NCEH1: variants seen among roughly 807,000 people sequenced by gnomAD.
The protein encoded by NCEH1 is 2-acetyl MAGE hydrolase.
NCEH1 carries 9 observed loss-of-function variants against 25.4 expected under a neutral mutation model. That is an observed-to-expected ratio of 0.35 (90% CI 0.21 to 0.62). NCEH1 has a LOEUF of 0.62. Among genes scored for constraint, NCEH1 ranks in the 20% least tolerant of loss-of-function variants. NCEH1 has a pLI of 0.72. For synonymous variants in NCEH1, 200 were observed against 199.8 expected (o/e 1.00, Z -0.01); for missense variants, 412 against 501.1 (o/e 0.82, Z 1.70).
intron 1 of NCEH1, among the ~76,000 whole-genome samples, chr3:172,650,221 G>A (rs1292504668): frequency 6.6e-6 from 1 of 152,218 alleles, no homozygotes; most frequent in Non-Finnish European, 1.5e-5. Flanking sequence ...GGGACAATTT[G>A]GCTGAGTGCA....
chr3:172,651,875 A>T (rs1003560456), intron 1 of NCEH1, among the ~76,000 whole-genome samples: 20 of 152,212 alleles, frequency 1.3e-4, no homozygotes, highest in African/African-American at 4.6e-4. Context: ...CTTTTAAAAA[A>T]TAGGCATTGA....
chr3:172,674,711 T>C (rs10936728), intron 1 of NCEH1, among the ~76,000 whole-genome samples: 36,456 of 152,048 alleles, frequency 0.24, 4,512 homozygotes, highest in African/African-American at 0.32. Context: ...CTTGTGGAAA[T>C]TGTTACAGTT....
intron 1 of NCEH1, among the ~76,000 whole-genome samples, chr3:172,667,249 C>A (rs1423171060): frequency 6.6e-6 from 1 of 152,218 alleles, no homozygotes; most frequent in African/African-American, 2.4e-5. Context: ...CCTACTCTGT[C>A]TCCAAGACAG....
chr3:172,693,459 GA>G (rs11462052), intron 1 of NCEH1, among the ~76,000 whole-genome samples: 182 of 130,788 alleles, frequency 1.4e-3, no homozygotes, highest in Middle Eastern at 4.0e-3. Flanking sequence ...GCCTGAATAT[GA>G]AAAAAAAAAA....
intron 1 of NCEH1, among the ~76,000 whole-genome samples, chr3:172,661,387 T>C (rs985538948): frequency 6.6e-6 from 1 of 152,230 alleles, no homozygotes; most frequent in Non-Finnish European, 1.5e-5. Flanking sequence ...CCTTATAGTA[T>C]AGTTTGAAGT....
intron 1 of NCEH1, among the ~76,000 whole-genome samples, chr3:172,659,619 C>T (rs767379316): frequency 6.6e-6 from 1 of 152,200 alleles, no homozygotes; most frequent in Non-Finnish European, 1.5e-5. Flanking sequence ...CAGCCAGGGT[C>T]TGTGGGCCAG....
rs755932915 is a variant in NCEH1, at chr3:172,633,858, C to G, written c.844G>C (p.Val282Leu). ...GATGTCCAGTTTAGACGGGCCCTGA[C>G]AGCAGCAGCCTCTTCCACATCAAGT... The part of the protein sequence containing the change: ...TSLDVEEAAA[V>L]RARLNWTSLL... Residue 282 changes from valine (V) to leucine (L), a missense_variant, in exon 5 of 5, where the codon GTC becomes CTC. Physicochemically the swap from Val to Leu is conservative, Grantham distance 32. Transcript: ENST00000475381. 10 of 1,614,204 alleles carry G rather than the reference C, an allele frequency of 6.2e-6. No homozygotes were observed. Among genetic ancestry groups the G allele is most frequent in the Non-Finnish European group, 8.5e-6 (10 of 1,180,030 alleles).
intron 1 of NCEH1, among the ~76,000 whole-genome samples, chr3:172,692,296 T>C (rs774592538): frequency 1.3e-5 from 2 of 152,190 alleles, no homozygotes; most frequent in Non-Finnish European, 2.9e-5. Flanking sequence ...ATTATATATT[T>C]GGCCACCAGG....
chr3:172,672,746 C>A (rs1035066287), intron 1 of NCEH1, among the ~76,000 whole-genome samples: 2 of 152,228 alleles, frequency 1.3e-5, no homozygotes, highest in Non-Finnish European at 2.9e-5. Context: ...CTAGCAGCAG[C>A]TTTGCAGGCT....
At chr3:172,656,113 G>A (rs1164266805) in intron 1 of NCEH1, among the ~76,000 whole-genome samples, 2 of 152,186 alleles carry the variant, frequency 1.3e-5, no homozygotes, top group South Asian at 2.1e-4. Flanking sequence ...AAGATATGGG[G>A]CTGAAAATCA....
intron 1 of NCEH1, among the ~76,000 whole-genome samples, chr3:172,700,452 C>T (rs888696385): frequency 1.3e-5 from 2 of 152,114 alleles, no homozygotes; most frequent in Non-Finnish European, 1.5e-5. Flanking sequence ...GGGCATGAAA[C>T]TAAGAGTCCA....
At chr3:172,659,981 ATTTCT>A (rs1251387811) in intron 1 of NCEH1, among the ~76,000 whole-genome samples, 13 of 150,204 alleles carry the variant, frequency 8.7e-5, no homozygotes, top group East Asian at 5.8e-4. Context: ...CCCCTGAAGC[ATTTCT>A]TTTTTTTTTT....
chr3:172,707,338 G>A (rs941530064), intron 1 of NCEH1, among the ~76,000 whole-genome samples: 12 of 152,102 alleles, frequency 7.9e-5, no homozygotes, highest in African/African-American at 2.9e-4. Flanking sequence ...TCTTATGGTG[G>A]CTTTGCTATA....
At chr3:172,671,237 G>C (rs1209732416) in intron 1 of NCEH1, among the ~76,000 whole-genome samples, 1 of 152,180 alleles carries the variant, frequency 6.6e-6, no homozygotes, top group Non-Finnish European at 1.5e-5. Context: ...TCAGAAACCA[G>C]AAAGTAGGAT....
intron 1 of NCEH1, among the ~76,000 whole-genome samples, chr3:172,704,480 A>G (rs1028930971): frequency 6.6e-6 from 1 of 152,144 alleles, no homozygotes; most frequent in African/African-American, 2.4e-5. Flanking sequence ...CACCTACCCT[A>G]TCACTGGCAG....
chr3:172,692,211 A>T (rs1713101307), intron 1 of NCEH1, among the ~76,000 whole-genome samples: 1 of 152,322 alleles, frequency 6.6e-6, no homozygotes, highest in East Asian at 1.9e-4. Flanking sequence ...AGAAAGACAG[A>T]CTTAAAGAAG....
intron 1 of NCEH1, among the ~76,000 whole-genome samples, chr3:172,660,573 C>A (rs1447399578): frequency 6.6e-6 from 1 of 152,206 alleles, no homozygotes; most frequent in Non-Finnish European, 1.5e-5. Context: ...AATGGTTGAA[C>A]TAGTTTACAC....
intron 1 of NCEH1, among the ~76,000 whole-genome samples, chr3:172,648,345 G>A (rs952769802): frequency 6.6e-6 from 1 of 152,030 alleles, no homozygotes; most frequent in Non-Finnish European, 1.5e-5. Flanking sequence ...TATTGAGAAG[G>A]CTTAAACAAT....
At chr3:172,694,780 G>A (rs909749393) in intron 1 of NCEH1, among the ~76,000 whole-genome samples, 12 of 152,180 alleles carry the variant, frequency 7.9e-5, no homozygotes, top group African/African-American at 2.9e-4. Flanking sequence ...ATTTTTTCTT[G>A]TTTTCCCAAC....
Sources: allele counts gnomAD v4.1 joint callset (sites outside exome capture counted in the v4.1 genomes callset), GRCh38; gene constraint gnomAD v4.1.1; transcripts MANE v1.5; gene names NCBI Gene and HGNC (gene_info 2026-07-23, HGNC 2026-07-21).